XIRP2: variants seen among roughly 807,000 people sequenced by gnomAD.
XIRP2 encodes xin actin-binding repeat-containing protein 2.
XIRP2 carries 236 observed loss-of-function variants against 277.0 expected under a neutral mutation model. That is an observed-to-expected ratio of 0.85 (90% confidence interval 0.77 to 0.95). The LOEUF (loss-of-function observed/expected upper bound fraction) is 0.95, where lower values mean the gene tolerates loss of function less well. XIRP2 is among the 40% of genes least tolerant of loss of function. The pLI, the probability that XIRP2 is intolerant of heterozygous loss-of-function variation, is 0.00. For missense variants in XIRP2, 4,640 were observed against 4,157.5 expected (o/e 1.12, Z -3.19); for synonymous variants, 1,490 against 1,416.5 (o/e 1.05, Z -1.17).
chr2:166,938,476 C>T (rs1017737336), intron 2 of XIRP2, among the ~76,000 whole-genome samples: 4 of 152,158 alleles, frequency 2.6e-5, no homozygotes, highest in Admixed American at 6.5e-5. Context: ...ATTATAATTT[C>T]TGTTCTTTTA....
intron 3 of XIRP2, among the ~76,000 whole-genome samples, chr2:167,185,713 G>T (rs1693135065): frequency 6.6e-6 from 1 of 152,062 alleles, no homozygotes; most frequent in African/African-American, 2.4e-5. Flanking sequence ...GAACTATTGT[G>T]ATTTCAGATC....
intron 3 of XIRP2, chr2:167,140,999 C>G (rs1357668319): frequency 6.6e-6 from 1 of 152,096 alleles, no homozygotes; most frequent in African/African-American, 2.4e-5. Flanking sequence ...TGAGGTCGTT[C>G]ACGTGGTAAC....
chr2:167,252,497 G>A (rs142292106), intron 9 of XIRP2, among the ~76,000 whole-genome samples: 6 of 152,006 alleles, frequency 3.9e-5, no homozygotes, highest in African/African-American at 1.4e-4. Context: ...GTTGGATAGA[G>A]TTAGTTTTCT....
intron 2 of XIRP2, among the ~76,000 whole-genome samples, chr2:167,134,488 A>C (rs1288137800): frequency 6.6e-6 from 1 of 151,980 alleles, no homozygotes; most frequent in Non-Finnish European, 1.5e-5. Flanking sequence ...CTCAAACTTG[A>C]CTCACTCATG....
chr2:167,015,103 A>G (rs74485619), intron 2 of XIRP2, among the ~76,000 whole-genome samples: 1,536 of 151,904 alleles, frequency 0.01, 24 homozygotes, highest in African/African-American at 0.035. Context: ...ACCTTTGACC[A>G]CAGGCAAGTT....
chr2:167,083,362 T>A (rs1296516208), intron 2 of XIRP2, among the ~76,000 whole-genome samples: 1 of 152,250 alleles, frequency 6.6e-6, no homozygotes, highest in Non-Finnish European at 1.5e-5. Flanking sequence ...TAGTATAGAT[T>A]GAAGTCAGGT....
chr2:167,249,185 T>C lies in XIRP2; in HGVS notation c.7793T>C (p.Leu2598Pro), dbSNP rs16853326. ...PLQKTNEEVS[L>P]SGIDSECTVV... ...CAAAAAACCAATGAGGAGGTTTCCC[T>C]ATCTGGAATTGATTCAGAATGCACT... The change falls in exon 9 of 11, where the codon CTA (leucine) becomes CCA (proline). Residue 2598 changes from leucine to proline, a missense_variant. Transcript: ENST00000409195. 5.0e-6 allele frequency: 8 copies of C among 1,613,552 alleles called. No homozygotes were observed. The highest frequency in any genetic ancestry group is 6.8e-6 in the Non-Finnish European group (8 of 1,179,760).
At chr2:167,009,934 T>A (rs1180819798) in intron 2 of XIRP2, among the ~76,000 whole-genome samples, 4 of 152,154 alleles carry the variant, frequency 2.6e-5, no homozygotes, top group Non-Finnish European at 4.4e-5. Context: ...CTTGTAAATT[T>A]GTTTGAGTTC....
chr2:167,052,833 C>G (rs1688947798), intron 2 of XIRP2, among the ~76,000 whole-genome samples: 1 of 152,056 alleles, frequency 6.6e-6, no homozygotes, highest in Admixed American at 6.6e-5. Context: ...TGATTACCAG[C>G]CATGAAAAAG....
At chr2:167,035,442 T>C (rs1352646598) in intron 2 of XIRP2, among the ~76,000 whole-genome samples, 1 of 152,186 alleles carries the variant, frequency 6.6e-6, no homozygotes, top group Non-Finnish European at 1.5e-5. Context: ...ACTCTTGTTA[T>C]GTTTTGGCAA....
At chr2:167,170,121 G>A (rs1692641068) in intron 3 of XIRP2, among the ~76,000 whole-genome samples, 1 of 152,048 alleles carries the variant, frequency 6.6e-6, no homozygotes, top group African/African-American at 2.4e-5. Flanking sequence ...ATGCTGCCAA[G>A]TACGTTTCTT....
chr2:167,044,386 C>T (rs767156847), intron 2 of XIRP2, among the ~76,000 whole-genome samples: 6 of 151,970 alleles, frequency 3.9e-5, no homozygotes, highest in Non-Finnish European at 7.4e-5. Flanking sequence ...CCACCCTCAC[C>T]GCTCCTATTA....
chr2:167,228,117 G>T (rs879864235), intron 5 of XIRP2, among the ~76,000 whole-genome samples: 3 of 152,116 alleles, frequency 2.0e-5, no homozygotes, highest in Admixed American at 2.0e-4. Flanking sequence ...TGGGATTGAA[G>T]ATGTGCCCAT....
chr2:167,247,980 T>A lies in XIRP2; in HGVS notation c.6588T>A (p.Asn2196Lys). 6.2e-7 allele frequency: 1 copy of A among 1,611,540 alleles called. No individual in the cohort carries two copies. ...TLLKQETKYSNKDIKKKNINL... is the reference protein window; with the variant it reads ...TLLKQETKYSKKDIKKKNINL... Reference sequence around the variant, plus strand: ...TAAAGCAAGAAACAAAATATTCTAATAAGGATATAAAGAAAAAGAATATAA... The same window carrying A: ...TAAAGCAAGAAACAAAATATTCTAAAAAGGATATAAAGAAAAAGAATATAA... The change falls in exon 9 of 11, where the codon AAT (asparagine) becomes AAA (lysine). Residue 2196 changes from asparagine to lysine, a missense_variant. By Grantham distance (94) the Asn-to-Lys change is moderately conservative. Transcript: ENST00000409195.
At chr2:167,166,529 C>T (rs1006455152) in intron 3 of XIRP2, among the ~76,000 whole-genome samples, 5 of 151,966 alleles carry the variant, frequency 3.3e-5, no homozygotes, top group Admixed American at 2.6e-4. Flanking sequence ...AGTTCCTGAC[C>T]CTGGATAATT....
At position 167,207,541 on chromosome 2, in the gene XIRP2, A is replaced by C. The variant is rs543834257; in HGVS notation, c.563-3194A>C. Among the ~76,000 whole-genome samples, 14 of 152,312 alleles carry C rather than the reference A, an allele frequency of 9.2e-5. 1 individual carries two copies. The East Asian group carries it at 2.7e-3, about 29-fold the overall frequency. On this transcript the variant is annotated intron_variant, in intron 3 of 10. Transcript: ENST00000409195. ...ATATTGTACCAATGTGTGTTTTTTA[A>C]ATGTTTTAAACATGGACTCTCCATA... is the stretch of plus-strand genomic sequence containing the variant.
intron 5 of XIRP2, among the ~76,000 whole-genome samples, chr2:167,235,271 G>A (rs1694867821): frequency 6.6e-6 from 1 of 151,778 alleles, no homozygotes; most frequent in Non-Finnish European, 1.5e-5. Flanking sequence ...CATCTGTGAA[G>A]AGACTCCTCT....
At chr2:167,132,596 T>C (rs1691413925) in intron 2 of XIRP2, among the ~76,000 whole-genome samples, 1 of 151,828 alleles carries the variant, frequency 6.6e-6, no homozygotes. Context: ...AAAGCAAATA[T>C]GGTGCTGCAG....
At position 167,008,999 on chromosome 2, in the gene XIRP2, T is replaced by C. The variant is rs142175812; in HGVS notation, c.408+105109T>C. 3.0e-3 allele frequency among the ~76,000 whole-genome samples: 457 copies of C among 151,552 alleles called. 5 individuals carry two copies. The highest frequency in any genetic ancestry group is 0.01 in the African/African-American group (426 of 41,458). On this transcript the variant is annotated intron_variant, in intron 2 of 10. Coordinates refer to ENST00000409195, the MANE Select transcript of XIRP2 (RefSeq NM_152381.6). Reference sequence around the variant, plus strand: ...TTTTCAATATAAATATTTTAAGAGATTAATTTCTTTTATATTAGCCACTGC... The same window carrying C: ...TTTTCAATATAAATATTTTAAGAGACTAATTTCTTTTATATTAGCCACTGC...
Sources: gnomAD v4.1 joint callset for allele counts (sites outside exome capture counted in the v4.1 genomes callset) on GRCh38, gnomAD v4.1.1 for gene constraint, MANE v1.5 for transcripts, NCBI Gene and HGNC (gene_info 2026-07-23, HGNC 2026-07-21) for gene names.